ROS1: variants seen among roughly 807,000 people sequenced by gnomAD.
ROS1 encodes proto-oncogene tyrosine-protein kinase ROS.
ROS1 carries 263 observed loss-of-function variants against 273.5 expected under a neutral mutation model. That is an observed-to-expected ratio of 0.96 (90% confidence interval 0.87 to 1.06). ROS1 has a LOEUF of 1.06. Ranked by LOEUF, ROS1 falls within the 50% of genes least tolerant of loss-of-function variation. The pLI, the probability that ROS1 is intolerant of heterozygous loss-of-function variation, is 0.00. For synonymous variants in ROS1, 1,008 were observed against 954.1 expected, an observed-to-expected ratio of 1.06 and a Z score of -1.04; for missense variants, 2,833 against 2,751.1, an observed-to-expected ratio of 1.03 and a Z score of -0.67.
chr6:117,341,682 G>T, intron 29 of ROS1, 50 bp from the exon 30 acceptor site: 1 of 1,394,918 alleles, frequency 7.2e-7, no homozygotes, highest in South Asian at 1.2e-5. Flanking sequence ...AGCACTGAAA[G>T]ATGGAAAGAA....
intron 39 of ROS1, among the ~76,000 whole-genome samples, chr6:117,314,449 A>G (rs901975393): frequency 6.6e-6 from 1 of 152,180 alleles, no homozygotes; most frequent in Non-Finnish European, 1.5e-5. Context: ...ATCCCTGAAT[A>G]CAGGGACAAG....
intron 31 of ROS1, among the ~76,000 whole-genome samples, chr6:117,339,797 G>C (rs569607760): frequency 6.6e-6 from 1 of 152,106 alleles, no homozygotes; most frequent in African/African-American, 2.4e-5. Flanking sequence ...GGAGATCTCT[G>C]TCTGCTGTCC....
chr6:117,414,621 C>T, intron 3 of ROS1, 76 bp from the exon 4 acceptor site: 1 of 647,148 alleles, frequency 1.5e-6, no homozygotes, highest in Non-Finnish European at 2.7e-6. Context: ...GCTGTACAAT[C>T]ATTTCAAATT....
intron 5 of ROS1, among the ~76,000 whole-genome samples, chr6:117,409,022 C>A (rs1774666397): frequency 7.5e-6 from 1 of 133,046 alleles, no homozygotes; most frequent in Non-Finnish European, 1.5e-5. Context: ...AATGAGAACA[C>A]ATGGACACAG....
intron 16 of ROS1, among the ~76,000 whole-genome samples, chr6:117,384,841 G>C (rs1402710779): frequency 1.3e-5 from 2 of 152,170 alleles, no homozygotes; most frequent in Non-Finnish European, 2.9e-5. Context: ...GAGGAAGGAG[G>C]GGTTGGGGTT....
At chr6:117,292,021 G>A (rs1773870947) in intron 43 of ROS1, among the ~76,000 whole-genome samples, 1 of 151,382 alleles carries the variant, frequency 6.6e-6, no homozygotes, top group Non-Finnish European at 1.5e-5. Context: ...CCAGGCTGGA[G>A]TGCAGTGGTG....
intron 5 of ROS1, among the ~76,000 whole-genome samples, chr6:117,408,965 C>CA (rs1403011094): frequency 6.7e-6 from 1 of 148,416 alleles, no homozygotes; most frequent in Non-Finnish European, 1.5e-5. Context: ...ATCGCGAGGA[C>CA]AAAAAACCAA....
chr6:117,418,079 G>A (rs528900777), intron 2 of ROS1, among the ~76,000 whole-genome samples: 2 of 152,216 alleles, frequency 1.3e-5, no homozygotes, highest in East Asian at 1.9e-4. Context: ...TATACCTTAA[G>A]TCACTAAACA....
rs1772691060 is a variant in ROS1, at chr6:117,387,639, T to C, written c.1999+141A>G. 6.8e-6 allele frequency: 5 copies of C among 739,164 alleles called. No individual in the cohort carries two copies. In the South Asian group the frequency reaches 9.3e-5, roughly 14 times the overall value. The allele number at this position is 739,164 out of a possible 1,614,324, so 45.8% of individuals were successfully genotyped here. A position where few individuals can be genotyped will look rare whatever the true frequency, so the allele number is the denominator to read the frequency against. ...TCAGAAAATAAATATGTACTCAATA[T>C]GTGTTTACTCAAACACATACTCAAG... On this transcript the variant is annotated intron_variant, in intron 14 of 43. Transcript: ENST00000368507.
chr6:117,339,075 G>A (rs571169537), intron 31 of ROS1, among the ~76,000 whole-genome samples: 1 of 152,066 alleles, frequency 6.6e-6, no homozygotes, highest in African/African-American at 2.4e-5. Context: ...TGAGTTTCTT[G>A]TATTATATAG....
At chr6:117,312,193 A>AT (rs1775596639) in intron 39 of ROS1, among the ~76,000 whole-genome samples, 1 of 151,832 alleles carries the variant, frequency 6.6e-6, no homozygotes, top group East Asian at 1.9e-4. Flanking sequence ...TCCTGCTATC[A>AT]TTTTTTCTCC....
chr6:117,384,893 A>G lies in ROS1; in HGVS notation c.2289+790T>C, dbSNP rs900401135. 2.6e-5 allele frequency among the ~76,000 whole-genome samples: 4 copies of G among 152,142 alleles called. No individual in the cohort carries two copies. The South Asian group carries it at 6.2e-4, about 24-fold the overall frequency. On this transcript the variant is annotated intron_variant, in intron 16 of 43. Coordinates refer to ENST00000368507, the MANE Select transcript of ROS1 (RefSeq NM_001378902.1). ...GCTCCTTGCCAGACCATACATCTTG[A>G]TAGTGGCCAGCTTCTGTGCCTAAAG...
chr6:117,288,495 A>T lies in ROS1; in HGVS notation c.7023T>A (p.Asp2341Glu). ...CTCTATTTCCCAAACAACGCTATTA[A>T]TCAGACCCATCTCCATATCCACTGT... ...LTHSGYGDGSD is the reference protein window; with the variant it reads ...LTHSGYGDGSE The change falls in exon 44 of 44, where the codon GAT becomes GAA. Residue 2341 changes from aspartate to glutamate, a missense_variant. Coordinates refer to ENST00000368507, the MANE Select transcript of ROS1 (RefSeq NM_001378902.1). 6.2e-7 allele frequency: 1 copy of T among 1,610,752 alleles called. No individual in the cohort carries two copies. Among genetic ancestry groups the T allele is most frequent in the Non-Finnish European group, 8.5e-7 (1 of 1,178,898 alleles).
chr6:117,291,136 A>T (rs1773807804), intron 43 of ROS1, among the ~76,000 whole-genome samples: 2 of 152,090 alleles, frequency 1.3e-5, no homozygotes, highest in South Asian at 4.1e-4. Context: ...TGATTTCCAC[A>T]TCTCTTTTCA....
intron 18 of ROS1, among the ~76,000 whole-genome samples, chr6:117,369,558 C>T (rs1466734255): frequency 6.6e-6 from 1 of 150,902 alleles, no homozygotes; most frequent in Non-Finnish European, 1.5e-5. Flanking sequence ...GGCGACAGAG[C>T]GAGACTCCAT....
intron 22 of ROS1, among the ~76,000 whole-genome samples, chr6:117,360,772 G>A (rs1474697167): frequency 6.6e-6 from 1 of 152,002 alleles, no homozygotes; most frequent in Non-Finnish European, 1.5e-5. Context: ...ATGTTGTACA[G>A]CTTGAATATA....
At chr6:117,330,653 G>A (rs1035700126) in intron 32 of ROS1, among the ~76,000 whole-genome samples, 6 of 152,140 alleles carry the variant, frequency 3.9e-5, no homozygotes, top group African/African-American at 1.4e-4. Context: ...GCCTCCTTGA[G>A]TTACATATCC....
chr6:117,376,673 A>C (rs552337630), intron 18 of ROS1, among the ~76,000 whole-genome samples: 1 of 152,296 alleles, frequency 6.6e-6, no homozygotes, highest in East Asian at 1.9e-4. Context: ...AAGCATTAAA[A>C]AAATTAGATA....
At chr6:117,294,376 A>G (rs1019803100) in intron 43 of ROS1, among the ~76,000 whole-genome samples, 10 of 152,118 alleles carry the variant, frequency 6.6e-5, no homozygotes, top group Non-Finnish European at 1.3e-4. Context: ...ATATTATCTT[A>G]TATCTAGAAA....
Sources: gnomAD v4.1 joint callset for allele counts (sites outside exome capture counted in the v4.1 genomes callset) on GRCh38, gnomAD v4.1.1 for gene constraint, MANE v1.5 for transcripts, NCBI Gene and HGNC (gene_info 2026-07-23, HGNC 2026-07-21) for gene names.